DPYD: variants seen among roughly 807,000 people sequenced by gnomAD.
The protein encoded by DPYD is dihydropyrimidine dehydrogenase.
A neutral mutation model predicts 116.2 loss-of-function variants in DPYD; 109 were observed. That is an observed-to-expected ratio of 0.94 (90% CI 0.80 to 1.10). DPYD has a LOEUF of 1.10. Ranked by LOEUF, DPYD falls within the 50% of genes least tolerant of loss-of-function variation. The pLI is 0.00. For synonymous variants in DPYD, 440 were observed against 432.0 expected (o/e 1.02, Z -0.23); for missense variants, 1,302 against 1,254.5 (o/e 1.04, Z -0.57).
chr1:97,594,852 C>T (rs1489864228), intron 9 of DPYD, among the ~76,000 whole-genome samples: 4 of 151,488 alleles, frequency 2.6e-5, no homozygotes, highest in Admixed American at 6.6e-5. Context: ...AAATTCCTTA[C>T]GATGATACTT....
chr1:97,662,398 T>C (rs1659317468), intron 8 of DPYD, among the ~76,000 whole-genome samples: 1 of 151,600 alleles, frequency 6.6e-6, no homozygotes, highest in African/African-American at 2.4e-5. Context: ...TTTGGGAGGC[T>C]GAGGCGGGCA....
chr1:97,429,262 T>G (rs1340861540), intron 14 of DPYD, among the ~76,000 whole-genome samples: 1 of 152,042 alleles, frequency 6.6e-6, no homozygotes, highest in Non-Finnish European at 1.5e-5. Flanking sequence ...TATGTAGGAG[T>G]AGAAATATTG....
At chr1:97,166,890 A>G (rs1221348470) in intron 20 of DPYD, among the ~76,000 whole-genome samples, 6 of 152,244 alleles carry the variant, frequency 3.9e-5, no homozygotes, top group African/African-American at 1.4e-4. Context: ...TTTAATGCAG[A>G]TACAGGAATA....
intron 8 of DPYD, among the ~76,000 whole-genome samples, chr1:97,618,301 T>C (rs1037928118): frequency 6.6e-6 from 1 of 151,706 alleles, no homozygotes; most frequent in African/African-American, 2.4e-5. Context: ...ACAAAAAAAA[T>C]CACAGGCATA....
chr1:97,240,899 A>G (rs1220151882), intron 18 of DPYD, among the ~76,000 whole-genome samples: 1 of 152,040 alleles, frequency 6.6e-6, no homozygotes, highest in East Asian at 1.9e-4. Context: ...ACATCTTTAC[A>G]CATGGATTAG....
chr1:97,841,192 G>C (rs968857701), intron 2 of DPYD, among the ~76,000 whole-genome samples: 3 of 152,022 alleles, frequency 2.0e-5, no homozygotes, highest in Non-Finnish European at 4.4e-5. Context: ...AATGAAGAGA[G>C]TTGATTATGT....
rs1054201304 is a variant in DPYD at position 97,099,073 on chromosome 1, T to G, written c.2623-441A>C. Among the ~76,000 whole-genome samples the G allele has an allele frequency of 1.2e-4, 18 of 152,112 alleles. 1 individual carries two copies. The highest frequency in any genetic ancestry group is 1.5e-5 in the Non-Finnish European group (1 of 67,992). On this transcript the variant is annotated intron_variant, in intron 20 of 22. Coordinates refer to ENST00000370192, the MANE Select transcript of DPYD (RefSeq NM_000110.4). The stretch of plus-strand genomic sequence containing the variant: ...CAGTTGTAGTCCCTGACAAATGCTT[T>G]TGTCAATAGCAAAGGTACTTCGCCA...
chr1:97,349,393 C>T (rs547916195), intron 16 of DPYD, among the ~76,000 whole-genome samples: 64 of 151,292 alleles, frequency 4.2e-4, no homozygotes, highest in African/African-American at 1.5e-3. Context: ...ATGTGCACAA[C>T]GTGCAGGTTT....
intron 20 of DPYD, among the ~76,000 whole-genome samples, chr1:97,149,963 T>G (rs1018411174): frequency 6.6e-6 from 1 of 152,254 alleles, no homozygotes; most frequent in African/African-American, 2.4e-5. Flanking sequence ...TTCTTTGTCA[T>G]GGTCAACGAG....
chr1:97,337,226 T>G (rs1669338490), intron 16 of DPYD, among the ~76,000 whole-genome samples: 1 of 152,130 alleles, frequency 6.6e-6, no homozygotes, highest in Non-Finnish European at 1.5e-5. Flanking sequence ...GAGAGTAAGA[T>G]TTTTAAGAAG....
At chr1:97,794,154 C>T (rs1667455664) in intron 3 of DPYD, among the ~76,000 whole-genome samples, 1 of 152,070 alleles carries the variant, frequency 6.6e-6, no homozygotes, top group Non-Finnish European at 1.5e-5. Flanking sequence ...CCCAGACTAG[C>T]CTCAAACTCC....
chr1:97,207,778 T>C (rs1006431849), intron 19 of DPYD, among the ~76,000 whole-genome samples: 5 of 152,138 alleles, frequency 3.3e-5, no homozygotes, highest in African/African-American at 1.2e-4. Flanking sequence ...GTCTAGACTC[T>C]CTTATCTAAT....
chr1:97,772,049 G>T (rs1180472878), intron 3 of DPYD, among the ~76,000 whole-genome samples: 4 of 152,146 alleles, frequency 2.6e-5, no homozygotes, highest in African/African-American at 9.6e-5. Context: ...AAAAATAAAA[G>T]ATAAATCTTT....
intron 8 of DPYD, among the ~76,000 whole-genome samples, chr1:97,596,311 G>C (rs2102263264): frequency 6.6e-6 from 1 of 152,232 alleles, no homozygotes. Flanking sequence ...ATCATTTAGA[G>C]TGGTGGTATT....
intron 1 of DPYD, among the ~76,000 whole-genome samples, chr1:97,909,791 T>G (rs1356349039): frequency 1.3e-5 from 2 of 152,122 alleles, no homozygotes; most frequent in African/African-American, 4.8e-5. Flanking sequence ...AACATCTTTA[T>G]GTCAATAATT....
At chr1:97,832,261 A>G (rs986406237) in intron 2 of DPYD, among the ~76,000 whole-genome samples, 7 of 152,132 alleles carry the variant, frequency 4.6e-5, no homozygotes, top group African/African-American at 1.4e-4. Context: ...ACAGCTAGCA[A>G]GGGATAAAGC....
At chr1:97,400,520 A>T (rs898680385) in intron 14 of DPYD, among the ~76,000 whole-genome samples, 5 of 152,180 alleles carry the variant, frequency 3.3e-5, no homozygotes, top group African/African-American at 1.2e-4. Flanking sequence ...TTTCAGAAGG[A>T]ATAGTACCAG....
rs372566634 is a variant in DPYD, at chr1:97,098,485, T to C, written c.2766+4A>G. 36 of 1,612,448 alleles carry C rather than the reference T, an allele frequency of 2.2e-5. No homozygotes were observed. The highest frequency in any genetic ancestry group is 3.0e-5 in the Non-Finnish European group (35 of 1,179,100). ...CATACTTATATAGTTGGCATAATTT[T>C]TACCTTGATGGTAGGAATAGGCCTT... On this transcript the variant is annotated splice_donor_region_variant and intron_variant, in intron 21 of 22. Coordinates refer to ENST00000370192, the MANE Select transcript of DPYD (RefSeq NM_000110.4).
chr1:97,118,873 G>C (rs138263044), intron 20 of DPYD, among the ~76,000 whole-genome samples: 3 of 152,048 alleles, frequency 2.0e-5, no homozygotes, highest in Non-Finnish European at 2.9e-5. Flanking sequence ...GTGGTTTAGC[G>C]CATATCATCT....
Sources: gnomAD v4.1 joint callset for allele counts (sites outside exome capture counted in the v4.1 genomes callset) on GRCh38, gnomAD v4.1.1 for gene constraint, MANE v1.5 for transcripts, NCBI Gene and HGNC (gene_info 2026-07-23, HGNC 2026-07-21) for gene names.